Variants in TBC1D22A observed in about 807,000 individuals in gnomAD.
The protein encoded by TBC1D22A is TBC1 domain family member 22A, also known as putative GTPase activator.
A neutral mutation model predicts 60.2 loss-of-function variants in TBC1D22A; 38 were observed. That is an observed-to-expected ratio of 0.63 (90% CI 0.49 to 0.83). The LOEUF (loss-of-function observed/expected upper bound fraction) is 0.83, where lower values mean the gene tolerates loss of function less well. Among genes scored for constraint, TBC1D22A ranks in the 40% least tolerant of loss-of-function variants. The pLI is 0.00. For missense variants in TBC1D22A, 628 were observed against 701.0 expected (o/e 0.90, Z 1.18); for synonymous variants, 302 against 281.7 (o/e 1.07, Z -0.72).
chr22:47,159,821 C>G (rs1322576561), intron 12 of TBC1D22A, among the ~76,000 whole-genome samples: 1 of 151,450 alleles, frequency 6.6e-6, no homozygotes, highest in Non-Finnish European at 1.5e-5. Context: ...CAGCACACAA[C>G]CCCCACACAC....
At position 46,990,983 on chromosome 22, in the gene TBC1D22A, G is replaced by T. The variant is rs1240768016; in HGVS notation, c.1126-6651G>T. ...GCACTGGTTCCTCTGGCCTGGCTGG[G>T]TTGGGAGCCTTCAGCCTTAAACCAC... On this transcript the variant is annotated intron_variant, in intron 9 of 12. Coordinates refer to ENST00000337137, the MANE Select transcript of TBC1D22A (RefSeq NM_014346.5). The surrounding 1 kb of genome is among the most constrained non-coding windows in gnomAD (Gnocchi z 4.6). Among the ~76,000 whole-genome samples the T allele has an allele frequency of 6.6e-6, 1 of 152,198 alleles. No homozygotes were observed. The highest frequency in any genetic ancestry group is 1.5e-5 in the Non-Finnish European group (1 of 68,038).
At chr22:46,817,777 A>G (rs150487969) in intron 4 of TBC1D22A, among the ~76,000 whole-genome samples, 6 of 152,336 alleles carry the variant, frequency 3.9e-5, no homozygotes, top group African/African-American at 1.4e-4. Flanking sequence ...ATACCCAGTA[A>G]TGGGATTGCT....
chr22:46,897,652 G>GTTTTTTTTT (rs34529641), intron 7 of TBC1D22A, among the ~76,000 whole-genome samples: 1 of 111,514 alleles, frequency 9.0e-6, no homozygotes, highest in Non-Finnish European at 1.7e-5. Context: ...TTTTTTTTGT[G>GTTTTTTTTT]TTTTTTTTTT....
intron 10 of TBC1D22A, among the ~76,000 whole-genome samples, chr22:47,022,389 T>G (rs2062120945): frequency 6.6e-6 from 1 of 151,144 alleles, no homozygotes; most frequent in African/African-American, 2.4e-5. Context: ...CTGGAGAGAG[T>G]CTCTGGAGCA....
At chr22:46,979,485 AG>A (rs1335152073) in intron 9 of TBC1D22A, among the ~76,000 whole-genome samples, 2 of 152,352 alleles carry the variant, frequency 1.3e-5, no homozygotes, top group East Asian at 3.9e-4. Context: ...TCACAGCTGA[AG>A]CCAGCGCACC....
chr22:46,936,661 G>T (rs2071675828), intron 8 of TBC1D22A, among the ~76,000 whole-genome samples: 1 of 152,236 alleles, frequency 6.6e-6, no homozygotes, highest in South Asian at 2.1e-4. Flanking sequence ...CTCAGGCTCT[G>T]CAATGGAGCC....
At chr22:46,971,380 G>A (rs942373125) in intron 8 of TBC1D22A, among the ~76,000 whole-genome samples, 1 of 152,214 alleles carries the variant, frequency 6.6e-6, no homozygotes, top group African/African-American at 2.4e-5. Flanking sequence ...TATCTCTGAG[G>A]AAATGTCTCC....
At chr22:46,987,143 A>C (rs572263314) in intron 9 of TBC1D22A, among the ~76,000 whole-genome samples, 1 of 152,302 alleles carries the variant, frequency 6.6e-6, no homozygotes, top group African/African-American at 2.4e-5. Flanking sequence ...TGAGCCTCAG[A>C]AGTCACACAC....
intron 12 of TBC1D22A, among the ~76,000 whole-genome samples, chr22:47,136,784 C>G (rs2066890204): frequency 6.6e-6 from 1 of 152,222 alleles, no homozygotes; most frequent in Non-Finnish European, 1.5e-5. Flanking sequence ...GCCCCCAGGA[C>G]ACCTGTGGCC....
At chr22:47,086,112 C>G (rs1457532850) in intron 11 of TBC1D22A, among the ~76,000 whole-genome samples, 2 of 152,230 alleles carry the variant, frequency 1.3e-5, no homozygotes, top group Non-Finnish European at 2.9e-5. Context: ...TGTAGCCCAG[C>G]GCTCTTCTGG....
intron 4 of TBC1D22A, among the ~76,000 whole-genome samples, chr22:46,830,430 G>A (rs913163228): frequency 5.3e-5 from 8 of 152,246 alleles, no homozygotes; most frequent in African/African-American, 1.7e-4. Flanking sequence ...AGGGCGTCAT[G>A]TTGCATGTAG....
At chr22:46,847,987 C>A in intron 4 of TBC1D22A, among the ~76,000 whole-genome samples, 1 of 150,260 alleles carries the variant, frequency 6.7e-6, no homozygotes, top group Non-Finnish European at 1.5e-5. Context: ...CAGTAAATAC[C>A]CGGAGGGAAG....
At chr22:46,995,246 C>T (rs566125689) in intron 9 of TBC1D22A, among the ~76,000 whole-genome samples, 4 of 152,282 alleles carry the variant, frequency 2.6e-5, no homozygotes, top group Admixed American at 6.5e-5. Context: ...AGGGCCTTGG[C>T]GTCATTCTAA....
intron 9 of TBC1D22A, among the ~76,000 whole-genome samples, chr22:46,983,575 G>T (rs2074597695): frequency 6.6e-6 from 1 of 152,108 alleles, no homozygotes; most frequent in Admixed American, 6.5e-5. Context: ...GGTTGACCGT[G>T]TGTGGGTTTC....
At chr22:46,945,349 C>T (rs136061) in intron 8 of TBC1D22A, among the ~76,000 whole-genome samples, 3 of 152,024 alleles carry the variant, frequency 2.0e-5, no homozygotes, top group East Asian at 1.9e-4. Context: ...CCTGTTTGAC[C>T]GTTGTGGTGG....
intron 4 of TBC1D22A, among the ~76,000 whole-genome samples, 165 bp downstream of exon 4, chr22:46,797,785 A>C (rs140314359): frequency 7.2e-4 from 109 of 152,374 alleles, no homozygotes; most frequent in African/African-American, 2.3e-3. Flanking sequence ...CAAGTCAGTC[A>C]CTAAGGTAGT....
At chr22:47,127,734 T>C (rs1214327899) in intron 12 of TBC1D22A, among the ~76,000 whole-genome samples, 1 of 152,000 alleles carries the variant, frequency 6.6e-6, no homozygotes, top group Non-Finnish European at 1.5e-5. Context: ...TTTTCCCAGG[T>C]AGCAGGAGGA....
chr22:46,780,046 CTAGAGT>C (rs2083873086), intron 1 of TBC1D22A, among the ~76,000 whole-genome samples: 5 of 152,316 alleles, frequency 3.3e-5, no homozygotes, highest in Admixed American at 3.3e-4. Context: ...TCCAAAGCTC[CTAGAGT>C]TAATTTCCTT....
intron 11 of TBC1D22A, among the ~76,000 whole-genome samples, chr22:47,054,621 C>T (rs1336018828): frequency 1.3e-5 from 2 of 152,196 alleles, no homozygotes; most frequent in African/African-American, 4.8e-5. Flanking sequence ...TTCTCAGGCC[C>T]TTCGAATCCT....
Sources: allele counts gnomAD v4.1 joint callset (sites outside exome capture counted in the v4.1 genomes callset), GRCh38; gene constraint gnomAD v4.1.1; non-coding constraint Gnocchi (gnomAD v3.1); transcripts MANE v1.5; gene names NCBI Gene and HGNC (gene_info 2026-07-23, HGNC 2026-07-21).